SREK1IP1: variants seen among roughly 807,000 people sequenced by gnomAD.
SREK1IP1 encodes the protein SREK1 interacting protein 1, also known as protein SREK1IP1.
In SREK1IP1, 12 loss-of-function variants were observed where a neutral mutation model predicts 22.8. The observed-to-expected ratio is 0.53, with a 90% CI of 0.34 to 0.85. SREK1IP1 has a LOEUF of 0.85. SREK1IP1 is among the 40% of genes least tolerant of loss of function. The pLI is 0.02. For missense variants in SREK1IP1, 147 were observed against 171.8 expected (o/e 0.86, Z 0.81); for synonymous variants, 53 against 52.7 (o/e 1.01, Z -0.02).
intron 4 of SREK1IP1, chr5:64,727,577 G>A (rs1344995014): frequency 1.5e-5 from 2 of 135,848 alleles, no homozygotes; most frequent in African/African-American, 3.4e-5. Flanking sequence ...GGTGGGCGGG[G>A]GGCAGATAGG....
intron 3 of SREK1IP1, among the ~76,000 whole-genome samples, chr5:64,735,112 A>C: frequency 6.6e-6 from 1 of 151,952 alleles, no homozygotes. Flanking sequence ...TTTTTATCAG[A>C]AGTATATGAT....
rs1045796728 is a variant in SREK1IP1 at position 64,722,379 on chromosome 5, T to A, written c.*2005A>T. On this transcript the variant is annotated 3_prime_UTR_variant, in exon 5 of 5. Transcript: ENST00000513458. ...TAAAACTTACAAGTAATTAACTATTTCACTACAATTACTATCATTTTTAAC... is the reference window on the plus strand; with the variant it reads ...TAAAACTTACAAGTAATTAACTATTACACTACAATTACTATCATTTTTAAC... The A allele has an allele frequency of 6.6e-6, 1 of 152,214 alleles. No individual in the cohort carries two copies. Among genetic ancestry groups the A allele is most frequent in the Non-Finnish European group, 1.5e-5 (1 of 68,030 alleles). 9.4% of individuals were successfully genotyped at this position (152,214 alleles called of 1,614,324 possible).
At chr5:64,757,920 A>AGT (rs1742873725) in intron 1 of SREK1IP1, among the ~76,000 whole-genome samples, 1 of 115,198 alleles carries the variant, frequency 8.7e-6, no homozygotes. Context: ...CCCAGGCTGG[A>AGT]GTGCAGTGGC....
rs1742098964 is a variant in SREK1IP1 at position 64,718,772 on chromosome 5, C to A, written c.*5612G>T. On this transcript the variant is annotated 3_prime_UTR_variant, in exon 5 of 5. Transcript: ENST00000513458. ...GTGTGTTTTCTATTATAACACAGAC[C>A]TGGTTTTGTAACAGAATTCAACAGA... 2 of 151,494 alleles carry A rather than the reference C, an allele frequency of 1.3e-5. No homozygotes were observed. The highest frequency in any genetic ancestry group is 4.2e-4 in the South Asian group (2 of 4,794). The allele number at this position is 151,494 out of a possible 1,614,324, so 9.4% of individuals were successfully genotyped here.
chr5:64,740,308 T>A (rs1284930253), intron 3 of SREK1IP1, among the ~76,000 whole-genome samples: 3 of 152,130 alleles, frequency 2.0e-5, no homozygotes, highest in Admixed American at 6.6e-5. Flanking sequence ...CCTATTTATA[T>A]AATTATCATT....
chr5:64,739,957 T>C (rs1209594026), intron 3 of SREK1IP1, among the ~76,000 whole-genome samples: 2 of 152,120 alleles, frequency 1.3e-5, no homozygotes, highest in African/African-American at 2.4e-5. Flanking sequence ...AAAATGAATT[T>C]AAAATTTGTA....
intron 1 of SREK1IP1, among the ~76,000 whole-genome samples, chr5:64,760,784 C>T (rs887684103): frequency 6.6e-6 from 1 of 152,150 alleles, no homozygotes; most frequent in Non-Finnish European, 1.5e-5. Context: ...TGTTTCTTAC[C>T]TCTTTCTTTA....
intron 3 of SREK1IP1, among the ~76,000 whole-genome samples, chr5:64,734,568 G>A (rs775253284): frequency 7.9e-5 from 12 of 151,542 alleles, no homozygotes; most frequent in Non-Finnish European, 1.8e-4. Flanking sequence ...TGAATATAGC[G>A]TATCTTTACT....
intron 1 of SREK1IP1, among the ~76,000 whole-genome samples, chr5:64,766,476 T>A (rs1049526944): frequency 1.3e-5 from 2 of 152,218 alleles, no homozygotes; most frequent in African/African-American, 4.8e-5. Flanking sequence ...TGAGACCACA[T>A]CTCAGCCACA....
intron 1 of SREK1IP1, among the ~76,000 whole-genome samples, chr5:64,756,726 A>T (rs576105210): frequency 1.3e-5 from 2 of 151,670 alleles, no homozygotes; most frequent in East Asian, 3.9e-4. Flanking sequence ...TCCCAGGTTC[A>T]CGCCATTCTC....
At chr5:64,740,080 C>G (rs149398065) in intron 3 of SREK1IP1, among the ~76,000 whole-genome samples, 1 of 151,986 alleles carries the variant, frequency 6.6e-6, no homozygotes, top group Non-Finnish European at 1.5e-5. Context: ...TATGGCATCA[C>G]GTTTAATCCC....
At chr5:64,729,863 T>C (rs928700202) in intron 3 of SREK1IP1, among the ~76,000 whole-genome samples, 11 of 152,110 alleles carry the variant, frequency 7.2e-5, no homozygotes, top group African/African-American at 2.2e-4. Flanking sequence ...TTTTAGACAT[T>C]TGAGATCTAA....
intron 3 of SREK1IP1, among the ~76,000 whole-genome samples, chr5:64,734,019 C>T (rs1742418857): frequency 1.3e-5 from 2 of 151,914 alleles, no homozygotes; most frequent in Admixed American, 6.6e-5. Context: ...TATGAATGGT[C>T]GTTGTGGTGA....
chr5:64,759,864 T>G (rs1291916984), intron 1 of SREK1IP1, among the ~76,000 whole-genome samples: 1 of 152,170 alleles, frequency 6.6e-6, no homozygotes, highest in Non-Finnish European at 1.5e-5. Flanking sequence ...GGGGGCATAC[T>G]CTCATACATT....
At chr5:64,760,532 C>A (rs1010487685) in intron 1 of SREK1IP1, among the ~76,000 whole-genome samples, 2 of 152,186 alleles carry the variant, frequency 1.3e-5, no homozygotes, top group Non-Finnish European at 2.9e-5. Context: ...AAGCTACATG[C>A]AGACTGATAG....
chr5:64,763,548 A>G (rs1742987843), intron 1 of SREK1IP1, among the ~76,000 whole-genome samples: 2 of 151,094 alleles, frequency 1.3e-5, no homozygotes, highest in Non-Finnish European at 3.0e-5. Flanking sequence ...CCCTCCCCCA[A>G]AAAAAGAAAA....
intron 3 of SREK1IP1, among the ~76,000 whole-genome samples, chr5:64,733,845 A>G (rs1461987234): frequency 6.6e-6 from 1 of 152,126 alleles, no homozygotes; most frequent in Non-Finnish European, 1.5e-5. Context: ...GAGAATTATA[A>G]TTAGTGAAAA....
intron 2 of SREK1IP1, among the ~76,000 whole-genome samples, chr5:64,742,753 G>A (rs1320646708): frequency 6.6e-6 from 1 of 152,114 alleles, no homozygotes; most frequent in Non-Finnish European, 1.5e-5. Context: ...CTTAATTCCT[G>A]GAACTTCTCC....
chr5:64,756,160 A>G (rs1742837487), intron 1 of SREK1IP1, among the ~76,000 whole-genome samples: 1 of 152,204 alleles, frequency 6.6e-6, no homozygotes. Context: ...ATTGTGATAA[A>G]ATATAAATAA....
Sources: allele counts gnomAD v4.1 joint callset (sites outside exome capture counted in the v4.1 genomes callset), GRCh38; gene constraint gnomAD v4.1.1; transcripts MANE v1.5; gene names NCBI Gene and HGNC (gene_info 2026-07-23, HGNC 2026-07-21).